ZNF730: variants seen among roughly 807,000 people sequenced by gnomAD.
ZNF730 encodes the protein zinc finger protein 730.
A neutral mutation model predicts 12.6 loss-of-function variants in ZNF730; 12 were observed. The ratio of observed to expected loss-of-function variants is 0.95; its 90% CI spans 0.61 to 1.54. ZNF730 has a LOEUF of 1.54. ZNF730 is among the 40% of genes most tolerant of loss of function. The probability of loss-of-function intolerance (pLI) is 0.00; values close to 1 mark genes in which losing one functional copy is unlikely to be tolerated. For missense variants in ZNF730, 643 were observed against 583.5 expected, an observed-to-expected ratio of 1.10 and a Z score of -1.05; for synonymous variants, 194 against 195.8, an observed-to-expected ratio of 0.99 and a Z score of 0.08.
At chr19:23,142,133 A>T (rs1022092322) in intron 3 of ZNF730, among the ~76,000 whole-genome samples, 1 of 152,100 alleles carries the variant, frequency 6.6e-6, no homozygotes, top group Non-Finnish European at 1.5e-5. Context: ...TAAATCTATA[A>T]TTTTTTGAGG....
chr19:23,126,660 A>ATT, intron 1 of ZNF730: 2 of 403,058 alleles, frequency 5.0e-6, no homozygotes, highest in African/African-American at 2.4e-5. Context: ...CAGTTCCACT[A>ATT]GTTTTTTTTT....
intron 1 of ZNF730, among the ~76,000 whole-genome samples, chr19:23,133,591 C>G (rs1970775301): frequency 1.3e-5 from 2 of 152,298 alleles, no homozygotes; most frequent in South Asian, 4.2e-4. Flanking sequence ...ATCCGCCTGC[C>G]TCGGCCTCCC....
chr19:23,081,443 C>T (rs1281018081), intron 1 of ZNF730, among the ~76,000 whole-genome samples: 2 of 152,196 alleles, frequency 1.3e-5, no homozygotes, highest in East Asian at 3.8e-4. Flanking sequence ...CCTCAGCCTT[C>T]TGAGTAGCTG....
intron 1 of ZNF730, among the ~76,000 whole-genome samples, chr19:23,094,860 A>G (rs1362622468): frequency 6.6e-6 from 1 of 151,840 alleles, no homozygotes; most frequent in Non-Finnish European, 1.5e-5. Flanking sequence ...GTCATTTTTC[A>G]TTAGAGATGT....
At chr19:23,088,637 G>A (rs965909486) in intron 1 of ZNF730, among the ~76,000 whole-genome samples, 3 of 150,940 alleles carry the variant, frequency 2.0e-5, no homozygotes, top group Admixed American at 6.6e-5. Context: ...CTAATTTTTT[G>A]TATTTTTAGT....
Position 23,146,464 on chromosome 19 carries a change from C to G in ZNF730, c.1420C>G (p.His474Asp). 4 of 1,609,290 alleles carry G rather than the reference C, an allele frequency of 2.5e-6. No individual in the cohort carries two copies. The highest frequency in any genetic ancestry group is 3.4e-6 in the Non-Finnish European group (4 of 1,178,694). Residue 474 changes from histidine to aspartate, a missense_variant, in exon 4 of 4, where the codon CAT (histidine) becomes GAT (aspartate). His to Asp is a moderately conservative substitution (Grantham distance 81). Coordinates refer to ENST00000597761, the MANE Select transcript of ZNF730 (RefSeq NM_001277403.2). Reference sequence around the variant, plus strand: ...AACCCTCACTACACATAAGATAATTCATTCTGGGGAAAAAATCTACAAATG... The same window carrying G: ...AACCCTCACTACACATAAGATAATTGATTCTGGGGAAAAAATCTACAAATG... ...SSTLTTHKII[H>D]SGEKIYKCKE...
chr19:23,118,376 T>G (rs962288148), intron 1 of ZNF730, among the ~76,000 whole-genome samples: 11 of 151,872 alleles, frequency 7.2e-5, no homozygotes, highest in Non-Finnish European at 1.6e-4. Context: ...GTTTTTTTTT[T>G]TTGTTTTTTT....
rs1173773029 is a variant in ZNF730 at position 23,146,387 on chromosome 19, G to C, written c.1343G>C (p.Gly448Ala). 6.2e-7 allele frequency: 1 copy of C among 1,613,044 alleles called. No individual in the cohort carries two copies. The highest frequency in any genetic ancestry group is 1.7e-5 in the Admixed American group (1 of 59,964). Reference sequence around the variant, plus strand: ...ACTACACATAAAAGAATTCATACTGGAGAGAAACCCTATGAATGTGAAGAA... The same window carrying C: ...ACTACACATAAAAGAATTCATACTGCAGAGAAACCCTATGAATGTGAAGAA... ...TLTTHKRIHT[G>A]EKPYECEECG... Residue 448 changes from glycine (G) to alanine (A), a missense_variant, in exon 4 of 4, where the codon GGA (glycine) becomes GCA (alanine). Physicochemically the swap from Gly to Ala is moderately conservative, Grantham distance 60. Transcript: ENST00000597761.
chr19:23,117,115 G>A lies in ZNF730; in HGVS notation c.-59G>A, dbSNP rs1970538918. 2 of 1,612,976 alleles carry A rather than the reference G, an allele frequency of 1.2e-6. No homozygotes were observed. Among genetic ancestry groups the A allele is most frequent in the East Asian group, 2.2e-5 (1 of 44,852 alleles). On this transcript the variant is annotated 5_prime_UTR_variant, in exon 1 of 4. Coordinates refer to ENST00000597761, the MANE Select transcript of ZNF730 (RefSeq NM_001277403.2). Reference sequence around the variant, plus strand: ...AGAAGCCCAGCCTGTGTGGCCCTGCGACCTGCGGGTATTGGGAGATCCACA... The same window carrying A: ...AGAAGCCCAGCCTGTGTGGCCCTGCAACCTGCGGGTATTGGGAGATCCACA...
intron 1 of ZNF730, among the ~76,000 whole-genome samples, chr19:23,096,098 C>T (rs749304637): frequency 4.6e-5 from 7 of 152,152 alleles, no homozygotes; most frequent in Non-Finnish European, 8.8e-5. Flanking sequence ...TATGTGACTC[C>T]ACACTTCTTC....
Position 23,082,410 on chromosome 19 carries a change from G to A in ZNF730, c.-94+7023G>A, listed in dbSNP as rs575973317. On this transcript the variant is annotated intron_variant, in intron 1 of 2. Transcript: ENST00000593635. ...TGCCCAGGCTGGAGTGCAATGGTAC[G>A]ATCTTGGCTCACTGCAACCTCTGCC... 1.6e-4 allele frequency among the ~76,000 whole-genome samples: 24 copies of A among 151,082 alleles called. No individual in the cohort carries two copies. The East Asian group carries it at 3.5e-3, about 22-fold the overall frequency.
chr19:23,139,224 C>CA (rs1164237328), intron 3 of ZNF730, among the ~76,000 whole-genome samples: 1 of 151,922 alleles, frequency 6.6e-6, no homozygotes. Context: ...CTATATTCTG[C>CA]AAAAAATATA....
upstream of ZNF730, among the ~76,000 whole-genome samples, chr19:23,112,963 G>A (rs1970475711): frequency 6.6e-6 from 1 of 152,168 alleles, no homozygotes. Context: ...TGAGGCAATG[G>A]TTAGAAATGT....
rs765592459 is a variant in ZNF730 at position 23,146,284 on chromosome 19, C to T, written c.1240C>T (p.His414Tyr). ...AFSRISHLTT[H>Y]KRIHTGEKPY... is the part of the protein sequence containing the mutation. ...TAGCCGTATCTCACACCTTACTACACATAAGAGAATTCATACTGGAGAGAA... is the reference window on the plus strand; with the variant it reads ...TAGCCGTATCTCACACCTTACTACATATAAGAGAATTCATACTGGAGAGAA... The change falls in exon 4 of 4, where the codon CAT (histidine) becomes TAT (tyrosine). Residue 414 changes from histidine to tyrosine, a missense_variant. His to Tyr is a moderately conservative substitution (Grantham distance 83, BLOSUM62 2). Coordinates refer to ENST00000597761, the MANE Select transcript of ZNF730 (RefSeq NM_001277403.2). 1 of 1,613,826 alleles carries T rather than the reference C, an allele frequency of 6.2e-7. No homozygotes were observed. Among genetic ancestry groups the T allele is most frequent in the Non-Finnish European group, 8.5e-7 (1 of 1,179,848 alleles).
In ZNF730 at chr19:23,130,803, A is replaced by G. The variant is rs186342606; in HGVS notation, c.4-3277A>G. On this transcript the variant is annotated intron_variant, in intron 1 of 3. Transcript: ENST00000597761. ...GCTTAGGAAAAACAAAACTGGAAAT[A>G]TCCCCATTGGCATACAGAACCAAAT... 3.6e-3 allele frequency among the ~76,000 whole-genome samples: 553 copies of G among 152,318 alleles called. 3 individuals carry two copies. Among genetic ancestry groups the G allele is most frequent in the Middle Eastern group, 6.8e-3 (2 of 294 alleles).
chr19:23,129,076 A>G (rs1020533036), intron 1 of ZNF730, among the ~76,000 whole-genome samples: 1 of 152,140 alleles, frequency 6.6e-6, no homozygotes, highest in Non-Finnish European at 1.5e-5. Flanking sequence ...CTCCACCTAG[A>G]TTTCAGAGCT....
chr19:23,107,388 A>C (rs1970405060), intron 1 of ZNF730, among the ~76,000 whole-genome samples: 1 of 139,388 alleles, frequency 7.2e-6, no homozygotes, highest in Non-Finnish European at 1.5e-5. Context: ...CACCCACCTC[A>C]GACTTCCAAG....
In ZNF730 at chr19:23,146,154, T is replaced by C. The variant is rs759468650; in HGVS notation, c.1110T>C (p.Tyr370=). The change falls in exon 4 of 4, where the codon TAT becomes TAC. Residue 370 remains tyrosine, a synonymous_variant. Transcript: ENST00000597761. ...ITHTGGKPYK[Y]KECGKAFNQS... ...ATACTGGAGGGAAACCCTACAAATA[T>C]AAAGAATGTGGTAAAGCTTTTAACC... 2 of 1,608,026 alleles carry C rather than the reference T, an allele frequency of 1.2e-6. No homozygotes were observed. Among genetic ancestry groups the C allele is most frequent in the South Asian group, 2.2e-5 (2 of 90,612 alleles).
chr19:23,088,466 T>C (rs778153593), intron 1 of ZNF730, among the ~76,000 whole-genome samples: 52 of 152,082 alleles, frequency 3.4e-4, no homozygotes, highest in Non-Finnish European at 6.9e-4. Flanking sequence ...TTTGTTTGTT[T>C]TTTGTTTTTC....
Sources: allele counts gnomAD v4.1 joint callset (sites outside exome capture counted in the v4.1 genomes callset), GRCh38; gene constraint gnomAD v4.1.1; transcripts MANE v1.5; gene names NCBI Gene and HGNC (gene_info 2026-07-23, HGNC 2026-07-21).